Variants in ERCC6 observed in about 807,000 individuals in gnomAD.
ERCC6 encodes the protein DNA excision repair protein ERCC-6.
Under a neutral mutation model 158.7 loss-of-function variants are expected in ERCC6, and 116 were observed. That is an observed-to-expected ratio of 0.73 (90% CI 0.63 to 0.85). The LOEUF is 0.85. ERCC6 is among the 40% of genes least tolerant of loss of function. The probability of loss-of-function intolerance (pLI) is 0.00; values close to 1 mark genes in which losing one functional copy is unlikely to be tolerated. For missense variants in ERCC6, 1,698 were observed against 1,799.4 expected (o/e 0.94, Z 1.02); for synonymous variants, 678 against 659.3 (o/e 1.03, Z -0.43).
intron 18 of ERCC6, among the ~76,000 whole-genome samples, chr10:49,468,030 A>G (rs1164914221): frequency 1.3e-5 from 2 of 152,178 alleles, no homozygotes; most frequent in Admixed American, 6.5e-5. Flanking sequence ...ATCATACCCA[A>G]TGCCCCATGA....
chr10:49,514,610 C>G (rs1199902673), intron 5 of ERCC6, among the ~76,000 whole-genome samples: 1 of 152,196 alleles, frequency 6.6e-6, no homozygotes, highest in Non-Finnish European at 1.5e-5. Flanking sequence ...AAGGAAAAAG[C>G]TGTGTATCAT....
intron 8 of ERCC6, among the ~76,000 whole-genome samples, chr10:49,485,989 C>T (rs1851070382): frequency 6.6e-6 from 1 of 151,938 alleles, no homozygotes; most frequent in African/African-American, 2.4e-5. Flanking sequence ...AAAGATATAT[C>T]AAAGAAATGC....
chr10:49,481,861 A>G (rs749095929), intron 10 of ERCC6, among the ~76,000 whole-genome samples: 1 of 152,078 alleles, frequency 6.6e-6, no homozygotes, highest in Non-Finnish European at 1.5e-5. Flanking sequence ...ACCACCCAAG[A>G]TCAGGTCCAG....
At chr10:49,469,332 T>C (rs1377938154) in intron 18 of ERCC6, among the ~76,000 whole-genome samples, 1 of 152,062 alleles carries the variant, frequency 6.6e-6, no homozygotes, top group Non-Finnish European at 1.5e-5. Context: ...TCCTGATAGA[T>C]GCACTGAGTA....
chr10:49,536,149 G>A (rs1377956083), intron 1 of ERCC6, among the ~76,000 whole-genome samples: 1 of 152,130 alleles, frequency 6.6e-6, no homozygotes, highest in Non-Finnish European at 1.5e-5. Context: ...GGAGCGATAG[G>A]GCCAAAAACC....
intron 8 of ERCC6, among the ~76,000 whole-genome samples, chr10:49,485,067 G>A (rs1851053249): frequency 6.6e-6 from 1 of 152,180 alleles, no homozygotes; most frequent in Non-Finnish European, 1.5e-5. Context: ...CCAGACAGTG[G>A]AGTGGTGCAG....
chr10:49,493,311 G>A, intron 7 of ERCC6, 59 bp from the exon 8 acceptor site: 1 of 1,600,168 alleles, frequency 6.2e-7, no homozygotes, highest in Non-Finnish European at 8.5e-7. Context: ...GTCATCAACT[G>A]CTCAAAAGAT....
chr10:49,483,140 T>G (rs368315377), intron 9 of ERCC6, among the ~76,000 whole-genome samples: 1 of 152,056 alleles, frequency 6.6e-6, no homozygotes, highest in African/African-American at 2.4e-5. Context: ...ACAAGAGACA[T>G]TAAATAACAT....
rs1850821150 is a variant in ERCC6 at position 49,473,575 on chromosome 10, G to A, written c.2611C>T (p.Leu871Phe). 6.2e-7 allele frequency: 1 copy of A among 1,601,160 alleles called. No individual in the cohort carries two copies. The highest frequency in any genetic ancestry group is 8.6e-7 in the Non-Finnish European group (1 of 1,168,198). ...FSQSRQMLDI[L>F]EVFLRAQKYT... is the part of the protein sequence containing the mutation. The stretch of plus-strand genomic sequence containing the variant: ...TTTTGGGCTCTAAGGAATACTTCAA[G>A]TATGTCCAGCATCTGTTTGGAGGTG... The change falls in exon 14 of 21, where the codon CTT becomes TTT. Residue 871 changes from leucine (L) to phenylalanine (F), a missense_variant. Physicochemically the swap from Leu to Phe is conservative, Grantham distance 22. Transcript: ENST00000355832.
intron 4 of ERCC6, among the ~76,000 whole-genome samples, chr10:49,528,193 G>C (rs913715800): frequency 4.6e-5 from 7 of 152,182 alleles, no homozygotes; most frequent in Non-Finnish European, 8.8e-5. Flanking sequence ...ATGTGTACCA[G>C]CAGCCTCCTA....
At chr10:49,451,530 G>T (rs912762984), downstream of ERCC6, among the ~76,000 whole-genome samples, 1 of 152,122 alleles carries the variant, frequency 6.6e-6, no homozygotes, top group Admixed American at 6.5e-5. Flanking sequence ...TTTTGCATCA[G>T]TAGAGATGAC....
chr10:49,489,783 C>CT (rs1369671118), intron 8 of ERCC6, among the ~76,000 whole-genome samples: 1 of 152,154 alleles, frequency 6.6e-6, no homozygotes, highest in Admixed American at 6.5e-5. Flanking sequence ...CAAGACAGTG[C>CT]TAAAGATGTC....
At position 49,532,435 on chromosome 10, in the gene ERCC6, G is replaced by C. The variant is rs373533137; in HGVS notation, c.422+108C>G. On this transcript the variant is annotated intron_variant, in intron 2 of 20. Coordinates refer to ENST00000355832, the MANE Select transcript of ERCC6 (RefSeq NM_000124.4). ...TATTGACTCTGTCCTCCAAATAAAAGGTTCTACACATCTCCTAAACTTCTG... is the reference window on the plus strand; with the variant it reads ...TATTGACTCTGTCCTCCAAATAAAACGTTCTACACATCTCCTAAACTTCTG... 19 of 1,542,914 alleles carry C rather than the reference G, an allele frequency of 1.2e-5. 1 individual carries two copies. In the African/African-American group the frequency reaches 1.8e-4, roughly 14 times the overall value.
chr10:49,505,592 A>C, intron 6 of ERCC6: 1 of 270,516 alleles, frequency 3.7e-6, no homozygotes, highest in Non-Finnish European at 6.9e-6. Context: ...AAGAACAAAA[A>C]AATTATTCAA....
the ERCC6 span, among the ~76,000 whole-genome samples, chr10:49,439,832 T>C: frequency 2.7e-4 from 41 of 152,320 alleles, no homozygotes; most frequent in African/African-American, 9.9e-4. Context: ...CACACATCTC[T>C]AGGGCAGGGG....
rs1040870783 is a variant in ERCC6, at chr10:49,479,647, G to A, written c.2170-1177C>T. On this transcript the variant is annotated intron_variant, in intron 10 of 20. Coordinates refer to ENST00000355832, the MANE Select transcript of ERCC6 (RefSeq NM_000124.4). ...AAACATAGTCCCACTGAGGAAGCAC[G>A]AATGTACAGTCTATAAAGAAAACTG... is the stretch of plus-strand genomic sequence containing the variant. 5.3e-5 allele frequency among the ~76,000 whole-genome samples: 8 copies of A among 152,136 alleles called. No individual in the cohort carries two copies. In the East Asian group the frequency reaches 5.8e-4, roughly 11 times the overall value.
chr10:49,472,254 G>T, intron 16 of ERCC6, 122 bp downstream of exon 16: 1 of 905,692 alleles, frequency 1.1e-6, no homozygotes, highest in Non-Finnish European at 1.8e-6. Context: ...AAAAACCAAA[G>T]CCTTAAGTTA....
At chr10:49,533,032 C>A in intron 1 of ERCC6, 54 bp from the exon 2 acceptor site, 1 of 1,569,118 alleles carries the variant, frequency 6.4e-7, no homozygotes, top group South Asian at 1.2e-5. Flanking sequence ...CATTGTAGTT[C>A]TTAAATATTT....
chr10:49,512,169 A>T (rs1377433666), intron 5 of ERCC6, among the ~76,000 whole-genome samples: 1 of 152,188 alleles, frequency 6.6e-6, no homozygotes, highest in South Asian at 2.1e-4. Context: ...AGCATAGCAG[A>T]CTGTCATGCT....
Sources: gnomAD v4.1 joint callset for allele counts (sites outside exome capture counted in the v4.1 genomes callset) on GRCh38, gnomAD v4.1.1 for gene constraint, MANE v1.5 for transcripts, NCBI Gene and HGNC (gene_info 2026-07-23, HGNC 2026-07-21) for gene names.